PRKD3: variants seen among roughly 807,000 people sequenced by gnomAD.
PRKD3 encodes the protein protein kinase D3, also known as serine/threonine-protein kinase D3.
A neutral mutation model predicts 99.2 loss-of-function variants in PRKD3; 47 were observed. The ratio of observed to expected loss-of-function variants is 0.47; its 90% CI spans 0.38 to 0.60. The LOEUF is 0.60. Ranked by LOEUF, PRKD3 falls within the 20% of genes least tolerant of loss-of-function variation. The pLI is 0.00. For synonymous variants in PRKD3, 392 were observed against 355.4 expected, an observed-to-expected ratio of 1.10 and a Z score of -1.16; for missense variants, 1,019 against 1,088.4, an observed-to-expected ratio of 0.94 and a Z score of 0.90.
At chr2:37,293,385 C>T in intron 2 of PRKD3, 114 bp from the exon 3 acceptor site, 2 of 1,007,468 alleles carry the variant, frequency 2.0e-6, no homozygotes, top group Non-Finnish European at 2.7e-6. Flanking sequence ...ACACTATTTG[C>T]TAACAATTCT....
Position 37,256,521 on chromosome 2 carries a change from C to G in PRKD3, c.2413+141G>C, listed in dbSNP as rs531752224. On this transcript the variant is annotated intron_variant, in intron 17 of 18. Coordinates refer to ENST00000234179, the MANE Select transcript of PRKD3 (RefSeq NM_005813.6). ...AGAAGAGTGCTCAAAAAACTGGTAA[C>G]TAGTTGAATTTGGAAGATGAATGGG... 1.0e-3 allele frequency: 1,134 copies of G among 1,125,266 alleles called. 3 individuals are homozygous for G. Among genetic ancestry groups the G allele is most frequent in the South Asian group, 4.0e-3 (214 of 53,766 alleles). 69.7% of individuals were successfully genotyped at this position (1,125,266 alleles called of 1,614,324 possible).
intron 2 of PRKD3, among the ~76,000 whole-genome samples, chr2:37,293,737 T>C (rs967230748): frequency 2.0e-5 from 3 of 152,214 alleles, no homozygotes; most frequent in African/African-American, 2.4e-5. Context: ...CCATGTCACC[T>C]GCCTGCATCA....
chr2:37,271,760 C>T (rs1345141529), intron 12 of PRKD3, among the ~76,000 whole-genome samples: 1 of 152,210 alleles, frequency 6.6e-6, no homozygotes, highest in Non-Finnish European at 1.5e-5. Flanking sequence ...TCCCAACCCC[C>T]TACCTCCGTG....
At chr2:37,314,273 C>A (rs1343721329) in intron 2 of PRKD3, among the ~76,000 whole-genome samples, 3 of 152,214 alleles carry the variant, frequency 2.0e-5, no homozygotes, top group Non-Finnish European at 2.9e-5. Flanking sequence ...GATTCCCCTG[C>A]AAGAGTCATT....
In PRKD3 at chr2:37,290,864, A is replaced by G; in HGVS notation, c.559+4T>C. 1 of 1,579,038 alleles carries G rather than the reference A, an allele frequency of 6.3e-7. No individual in the cohort carries two copies. The highest frequency in any genetic ancestry group is 8.6e-7 in the Non-Finnish European group (1 of 1,164,360). ...AATGACCACAAAAATTTTAGAACAC[A>G]CACCTTCACATTTCAGTCCTTGACG... is the stretch of plus-strand genomic sequence containing the variant. On this transcript the variant is annotated splice_donor_region_variant and intron_variant, in intron 4 of 18. Coordinates refer to ENST00000234179, the MANE Select transcript of PRKD3 (RefSeq NM_005813.6).
intron 2 of PRKD3, among the ~76,000 whole-genome samples, chr2:37,306,406 T>C (rs1362659564): frequency 6.6e-6 from 1 of 152,254 alleles, no homozygotes; most frequent in Non-Finnish European, 1.5e-5. Context: ...TCTTGTTTGT[T>C]GTTAATTTTG....
At chr2:37,315,511 A>G (rs1290919347) in intron 2 of PRKD3, among the ~76,000 whole-genome samples, 1 of 152,166 alleles carries the variant, frequency 6.6e-6, no homozygotes, top group Non-Finnish European at 1.5e-5. Context: ...TAAAAAAAAG[A>G]GGGGCCAGAA....
intron 16 of PRKD3, among the ~76,000 whole-genome samples, chr2:37,259,158 T>A (rs368785944): frequency 3.3e-5 from 5 of 152,320 alleles, no homozygotes; most frequent in East Asian, 1.9e-4. Context: ...TGAGAAATGT[T>A]ATTTTATGTA....
intron 6 of PRKD3, among the ~76,000 whole-genome samples, chr2:37,283,795 C>T (rs1389046056): frequency 1.3e-5 from 2 of 151,184 alleles, no homozygotes; most frequent in Non-Finnish European, 1.5e-5. Context: ...GACACCAGCC[C>T]GGCCAACGTG....
Position 37,253,340 on chromosome 2 carries a change from G to A in PRKD3, c.2510C>T (p.Thr837Ile), listed in dbSNP as rs773686678. 1.2e-6 allele frequency: 2 copies of A among 1,610,580 alleles called. No individual in the cohort carries two copies. The highest frequency in any genetic ancestry group is 3.3e-5 in the Admixed American group (2 of 59,858). The change falls in exon 19 of 19, where the codon ACT becomes ATT. Residue 837 changes from threonine (T) to isoleucine (I), a missense_variant. Physicochemically the swap from Thr to Ile is moderately conservative, Grantham distance 89. Transcript: ENST00000234179. ...TTCAAATTCTCTAAGGTCAAGCCAA[G>A]TCTGATAGTCCTAGGAGAAAATGAA... ...LSHPWLQDYQ[T>I]WLDLREFETR...
intron 16 of PRKD3, among the ~76,000 whole-genome samples, chr2:37,257,387 C>G (rs1023560520): frequency 2.0e-5 from 3 of 152,026 alleles, no homozygotes; most frequent in Admixed American, 6.6e-5. Context: ...CAGTATTAGC[C>G]AGGTGTGGTG....
At chr2:37,303,462 G>C (rs1014810005) in intron 2 of PRKD3, among the ~76,000 whole-genome samples, 6 of 152,110 alleles carry the variant, frequency 3.9e-5, no homozygotes, top group African/African-American at 1.4e-4. Flanking sequence ...ACCTAAGAGA[G>C]TATTATATCT....
chr2:37,310,825 T>A (rs558159012), intron 2 of PRKD3, among the ~76,000 whole-genome samples: 4 of 152,194 alleles, frequency 2.6e-5, no homozygotes, highest in Admixed American at 2.6e-4. Context: ...AGATCAGAGA[T>A]TGATCAGCAT....
rs1257132156 is a variant in PRKD3 at position 37,256,583 on chromosome 2, G to A, written c.2413+79C>T. On this transcript the variant is annotated intron_variant, in intron 17 of 18. Transcript: ENST00000234179. Reference sequence around the variant, plus strand: ...AAAGATAAGTTGCAAGAGACAGACTGATTTGGGATGAGAAAGATGTTTAGG... The same window carrying A: ...AAAGATAAGTTGCAAGAGACAGACTAATTTGGGATGAGAAAGATGTTTAGG... 1.1e-5 allele frequency: 16 copies of A among 1,401,532 alleles called. No individual in the cohort carries two copies. The Admixed American group carries it at 3.8e-4, about 33-fold the overall frequency. The allele number at this position is 1,401,532 out of a possible 1,614,324, so 86.8% of individuals were successfully genotyped here.
At chr2:37,272,258 C>A (rs1307177972) in intron 12 of PRKD3, 122 bp downstream of exon 12, 3 of 1,445,272 alleles carry the variant, frequency 2.1e-6, no homozygotes, top group African/African-American at 3.0e-5. Context: ...AGGGAAGTTA[C>A]CAACCGCAAA....
At chr2:37,283,115 C>T (rs1240191925) in intron 6 of PRKD3, among the ~76,000 whole-genome samples, 2 of 152,204 alleles carry the variant, frequency 1.3e-5, no homozygotes, top group African/African-American at 4.8e-5. Flanking sequence ...TTCTCTTCAG[C>T]CTAAAACAAA....
At chr2:37,297,573 A>G (rs1392572276) in intron 2 of PRKD3, among the ~76,000 whole-genome samples, 2 of 152,128 alleles carry the variant, frequency 1.3e-5, no homozygotes, top group Non-Finnish European at 2.9e-5. Context: ...TCCCATCCAT[A>G]CCACATCACC....
intron 4 of PRKD3, among the ~76,000 whole-genome samples, chr2:37,289,987 A>C (rs1670321414): frequency 6.6e-6 from 1 of 152,230 alleles, no homozygotes; most frequent in South Asian, 2.1e-4. Flanking sequence ...TTATTGGAAC[A>C]CAACCATATC....
chr2:37,296,814 G>A (rs757410412), intron 2 of PRKD3, among the ~76,000 whole-genome samples: 45 of 151,070 alleles, frequency 3.0e-4, no homozygotes, highest in South Asian at 6.3e-4. Flanking sequence ...GCAGGAGAAC[G>A]GCGTGAACCC....
Sources: gnomAD v4.1 joint callset for allele counts (sites outside exome capture counted in the v4.1 genomes callset) on GRCh38, gnomAD v4.1.1 for gene constraint, MANE v1.5 for transcripts, NCBI Gene and HGNC (gene_info 2026-07-23, HGNC 2026-07-21) for gene names.